Variants in RAB2A observed in about 807,000 individuals in gnomAD.
RAB2A encodes the protein ras-related protein Rab-2A.
A neutral mutation model predicts 32.5 loss-of-function variants in RAB2A; 7 were observed. That is an observed-to-expected ratio of 0.22 (90% CI 0.12 to 0.40). The LOEUF is 0.40. Ranked by LOEUF, RAB2A falls within the 10% of genes least tolerant of loss-of-function variation. The pLI is 1.00. For missense variants in RAB2A, 108 were observed against 260.7 expected (o/e 0.41, Z 4.03); for synonymous variants, 79 against 85.2 (o/e 0.93, Z 0.40).
intron 1 of RAB2A, among the ~76,000 whole-genome samples, chr8:60,533,221 A>G (rs991564396): frequency 2.6e-5 from 4 of 152,248 alleles, no homozygotes; most frequent in African/African-American, 7.2e-5. Flanking sequence ...GTGATGCTAG[A>G]TTAGTGAAAG....
chr8:60,591,888 A>G lies in RAB2A; in HGVS notation c.393A>G (p.Lys131=), dbSNP rs1429889642. The change falls in exon 6 of 8, where the codon AAA becomes AAG. Residue 131 remains lysine (K), a synonymous_variant. Coordinates refer to ENST00000262646, the MANE Select transcript of RAB2A (RefSeq NM_002865.3). ...SDLESRREVK[K]EEGEAFAREH... ...TAGAATCTAGAAGAGAAGTAAAAAA[A>G]GAAGAAGGTGAAGCTTTTGCACGAG... 1 of 1,612,256 alleles carries G rather than the reference A, an allele frequency of 6.2e-7. No individual in the cohort carries two copies. The highest frequency in any genetic ancestry group is 8.5e-7 in the Non-Finnish European group (1 of 1,178,720).
chr8:60,534,129 AGGTGT>A (rs1433784978), intron 1 of RAB2A, among the ~76,000 whole-genome samples: 5 of 152,242 alleles, frequency 3.3e-5, no homozygotes, highest in Non-Finnish European at 5.9e-5. Flanking sequence ...GAAGTTCTAA[AGGTGT>A]GTGGACAGGG....
At chr8:60,530,144 CTT>C (rs1270851648) in intron 1 of RAB2A, among the ~76,000 whole-genome samples, 15 of 104,118 alleles carry the variant, frequency 1.4e-4, no homozygotes, top group African/African-American at 2.6e-4. Context: ...ATTTTTTTTT[CTT>C]TTTTTTTTTT....
intron 5 of RAB2A, among the ~76,000 whole-genome samples, chr8:60,585,684 CTT>C (rs1277545089): frequency 5.9e-5 from 9 of 152,072 alleles, no homozygotes; most frequent in African/African-American, 2.2e-4. Context: ...AAAATCATGA[CTT>C]ATATGATAAT....
At chr8:60,537,855 T>C (rs1259414625) in intron 1 of RAB2A, among the ~76,000 whole-genome samples, 1 of 152,070 alleles carries the variant, frequency 6.6e-6, no homozygotes, top group Non-Finnish European at 1.5e-5. Context: ...TAATTTTTGA[T>C]TTTTTGTAGA....
At chr8:60,580,393 T>C (rs1176890107) in intron 3 of RAB2A, among the ~76,000 whole-genome samples, 1 of 152,154 alleles carries the variant, frequency 6.6e-6, no homozygotes, top group Non-Finnish European at 1.5e-5. Flanking sequence ...TAACAGTTTA[T>C]TTATAGTTAG....
At chr8:60,569,909 T>C (rs1808172034) in intron 2 of RAB2A, 1 of 454,722 alleles carries the variant, frequency 2.2e-6, no homozygotes. Flanking sequence ...TGTAGTTATG[T>C]ATGGAACCTA....
chr8:60,541,514 C>T (rs1053341169), intron 1 of RAB2A, among the ~76,000 whole-genome samples: 2 of 152,238 alleles, frequency 1.3e-5, no homozygotes, highest in Non-Finnish European at 2.9e-5. Context: ...CATGATGAAA[C>T]CCCATCTCTA....
At chr8:60,530,487 G>T (rs1337147505) in intron 1 of RAB2A, among the ~76,000 whole-genome samples, 1 of 152,010 alleles carries the variant, frequency 6.6e-6, no homozygotes, top group Admixed American at 6.6e-5. Context: ...AATGGGTCTT[G>T]CCATGTTTCC....
intron 1 of RAB2A, among the ~76,000 whole-genome samples, chr8:60,555,127 A>G (rs534397695): frequency 7.9e-5 from 12 of 152,352 alleles, no homozygotes; most frequent in Middle Eastern, 3.4e-3. Flanking sequence ...TTTGTCTTCA[A>G]TAAATTGTGC....
chr8:60,540,337 G>A lies in RAB2A; in HGVS notation c.47-18515G>A, dbSNP rs114651805. On this transcript the variant is annotated intron_variant, in intron 1 of 7. Transcript: ENST00000262646. ...TAAGGCAGTGGTAATGAAAATAAAA[G>A]GAGGTTACAGATGAGAGCTGGAATT... 2.6e-3 allele frequency among the ~76,000 whole-genome samples: 401 copies of A among 151,966 alleles called. 4 individuals carry two copies. Among genetic ancestry groups the A allele is most frequent in the African/African-American group, 9.0e-3 (371 of 41,426 alleles).
chr8:60,526,968 CAAAA>C (rs34685368), intron 1 of RAB2A, among the ~76,000 whole-genome samples: 24 of 91,650 alleles, frequency 2.6e-4, no homozygotes, highest in Admixed American at 2.3e-3. Context: ...GACTCCATCT[CAAAA>C]AAAAAAAAAA....
At chr8:60,587,366 G>A (rs1298419895) in intron 5 of RAB2A, among the ~76,000 whole-genome samples, 2 of 152,168 alleles carry the variant, frequency 1.3e-5, no homozygotes, top group African/African-American at 2.4e-5. Flanking sequence ...TTAACTGGAA[G>A]TGGATCATAG....
chr8:60,582,055 C>T (rs367819334), intron 3 of RAB2A, among the ~76,000 whole-genome samples: 1 of 151,306 alleles, frequency 6.6e-6, no homozygotes, highest in Admixed American at 6.6e-5. Flanking sequence ...AAGTGATCCT[C>T]CTGCTTCAGC....
intron 3 of RAB2A, among the ~76,000 whole-genome samples, chr8:60,573,740 T>C (rs1808229171): frequency 6.6e-6 from 1 of 152,216 alleles, no homozygotes; most frequent in Admixed American, 6.5e-5. Context: ...ATTAATAATC[T>C]CCAACCAAAA....
intron 3 of RAB2A, among the ~76,000 whole-genome samples, chr8:60,582,949 A>G (rs530332494): frequency 1.6e-4 from 24 of 147,472 alleles, no homozygotes; most frequent in African/African-American, 2.3e-4. Context: ...TGCCCAGCCT[A>G]TTTTTCCACT....
chr8:60,583,956 G>A, intron 3 of RAB2A: 1 of 325,506 alleles, frequency 3.1e-6, no homozygotes, highest in South Asian at 4.1e-5. Context: ...TGCCAAAAAG[G>A]GTTTAGAGGT....
chr8:60,553,252 C>A (rs2130827075), intron 1 of RAB2A, among the ~76,000 whole-genome samples: 1 of 152,252 alleles, frequency 6.6e-6, no homozygotes, highest in East Asian at 1.9e-4. Flanking sequence ...AGTCTGAAAT[C>A]CTCAGGACAG....
chr8:60,551,867 T>C (rs879687797), intron 1 of RAB2A: 1 of 148,100 alleles, frequency 6.8e-6, no homozygotes, highest in Non-Finnish European at 1.5e-5. Flanking sequence ...TTTTTTTTTT[T>C]TTTTTTTTTT....
Sources: allele counts gnomAD v4.1 joint callset (sites outside exome capture counted in the v4.1 genomes callset), GRCh38; gene constraint gnomAD v4.1.1; transcripts MANE v1.5; gene names NCBI Gene and HGNC (gene_info 2026-07-23, HGNC 2026-07-21).